Variants in RARB observed in about 807,000 individuals in gnomAD.
The protein encoded by RARB is retinoic acid receptor beta, also known as HBV-activated protein.
A neutral mutation model predicts 51.9 loss-of-function variants in RARB; 17 were observed. The ratio of observed to expected loss-of-function variants is 0.33; its 90% CI spans 0.22 to 0.49. The LOEUF is 0.49. Among genes scored for constraint, RARB ranks in the 20% least tolerant of loss-of-function variants. RARB has a pLI of 0.99. For synonymous variants in RARB, 215 were observed against 195.4 expected (o/e 1.10, Z -0.84); for missense variants, 369 against 550.8 (o/e 0.67, Z 3.30).
At chr3:24,859,777 T>G (rs572783207) in intron 2 of RARB, among the ~76,000 whole-genome samples, 1 of 152,238 alleles carries the variant, frequency 6.6e-6, no homozygotes, top group South Asian at 2.1e-4. Flanking sequence ...GTGGGCCATA[T>G]GGTCTGTCAC....
chr3:24,982,564 G>A (rs533758313), intron 2 of RARB, among the ~76,000 whole-genome samples: 13 of 152,242 alleles, frequency 8.5e-5, no homozygotes, highest in South Asian at 6.2e-4. Context: ...CTCCATCTTT[G>A]GTTTTCCTTT....
intron 5 of RARB, among the ~76,000 whole-genome samples, chr3:25,392,061 T>A (rs1376104156): frequency 3.3e-5 from 5 of 152,192 alleles, no homozygotes; most frequent in African/African-American, 1.2e-4. Flanking sequence ...TTGAGTTGAT[T>A]TTTGTATGAA....
chr3:25,083,026 A>G (rs1699039274), intron 3 of RARB, among the ~76,000 whole-genome samples: 2 of 151,818 alleles, frequency 1.3e-5, no homozygotes, highest in South Asian at 4.2e-4. Context: ...TTGCTAATAA[A>G]CACCTGTTAT....
intron 2 of RARB, among the ~76,000 whole-genome samples, chr3:24,893,873 G>A (rs1489857862): frequency 6.6e-6 from 1 of 152,078 alleles, no homozygotes; most frequent in African/African-American, 2.4e-5. Context: ...TAGGAGGAAT[G>A]TTTGTAACAC....
At chr3:24,831,663 A>G (rs1270323546) in intron 1 of RARB, among the ~76,000 whole-genome samples, 1 of 152,080 alleles carries the variant, frequency 6.6e-6, no homozygotes, top group Non-Finnish European at 1.5e-5. Context: ...CTAGTAGGTA[A>G]TTCTTACCTA....
At chr3:24,889,675 A>AGTGTGTGTGTGTGTGTGTGT (rs71057686) in intron 2 of RARB, among the ~76,000 whole-genome samples, 57 of 142,954 alleles carry the variant, frequency 4.0e-4, no homozygotes, top group African/African-American at 5.1e-4. Flanking sequence ...CACCTCTTAA[A>AGTGTGTGTGTGTGTGTGTGT]GTGTGTGTGT....
intron 6 of RARB, 73 bp downstream of exon 6, chr3:25,593,780 C>A: frequency 6.9e-7 from 1 of 1,445,226 alleles, no homozygotes. Context: ...TGAAAAATTC[C>A]TCATTTCCCT....
At chr3:25,479,901 T>C (rs374734572) in intron 2 of RARB, among the ~76,000 whole-genome samples, 2 of 152,260 alleles carry the variant, frequency 1.3e-5, no homozygotes, top group African/African-American at 2.4e-5. Flanking sequence ...AGCAGTGCAA[T>C]AACGAGGAAG....
chr3:25,269,361 C>G (rs1703198313), intron 5 of RARB, among the ~76,000 whole-genome samples: 2 of 152,186 alleles, frequency 1.3e-5, no homozygotes, highest in South Asian at 4.1e-4. Context: ...TCAGCACCAT[C>G]CATCATTGAG....
At chr3:25,240,605 T>A (rs1702408740) in intron 5 of RARB, among the ~76,000 whole-genome samples, 1 of 152,180 alleles carries the variant, frequency 6.6e-6, no homozygotes, top group East Asian at 1.9e-4. Flanking sequence ...GTTTTTGTCC[T>A]TCATTCTATT....
rs371738902 is a variant in RARB at position 25,276,860 on chromosome 3, C to A, written c.178+102285C>A. 2.6e-5 allele frequency among the ~76,000 whole-genome samples: 4 copies of A among 152,154 alleles called. No homozygotes were observed. In the South Asian group the frequency reaches 8.3e-4, roughly 32 times the overall value. The stretch of plus-strand genomic sequence containing the variant: ...CGGGATCAAAAGCACTTGACTAATA[C>A]GGTATATATTGGCAGTAATCTGTAT... On this transcript the variant is annotated intron_variant, in intron 5 of 11. Transcript: ENST00000383772.
intron 1 of RARB, among the ~76,000 whole-genome samples, chr3:24,852,740 C>A (rs373483602): frequency 3.1e-4 from 47 of 152,238 alleles, no homozygotes; most frequent in African/African-American, 1.0e-3. Context: ...CTGAAAGGAT[C>A]CAGACATAAA....
intron 2 of RARB, among the ~76,000 whole-genome samples, chr3:24,959,899 A>C (rs900132668): frequency 1.6e-4 from 24 of 152,226 alleles, no homozygotes; most frequent in African/African-American, 5.8e-4. Flanking sequence ...TTATCTTTAC[A>C]TTTTAAGACA....
intron 5 of RARB, among the ~76,000 whole-genome samples, chr3:25,310,590 A>T (rs1462871499): frequency 6.6e-6 from 1 of 152,162 alleles, no homozygotes; most frequent in Non-Finnish European, 1.5e-5. Flanking sequence ...TTGTCCATGA[A>T]CACTTTAGAA....
At chr3:24,936,900 T>G (rs776704077) in intron 2 of RARB, among the ~76,000 whole-genome samples, 8 of 152,090 alleles carry the variant, frequency 5.3e-5, no homozygotes, top group African/African-American at 1.9e-4. Flanking sequence ...TGCTCTGGAG[T>G]GTGTTTGGTG....
chr3:25,098,465 T>C (rs1169489324), intron 3 of RARB, among the ~76,000 whole-genome samples: 3 of 152,192 alleles, frequency 2.0e-5, no homozygotes, highest in African/African-American at 7.2e-5. Flanking sequence ...GTGAGAGCAA[T>C]TCCTACCTGT....
At chr3:24,932,836 TTC>T (rs1241004612) in intron 2 of RARB, among the ~76,000 whole-genome samples, 3 of 152,130 alleles carry the variant, frequency 2.0e-5, no homozygotes, top group Non-Finnish European at 4.4e-5. Context: ...ACTTACAGAA[TTC>T]ATGGAGGTGC....
chr3:24,951,031 C>G (rs575478201), intron 2 of RARB, among the ~76,000 whole-genome samples: 2 of 152,278 alleles, frequency 1.3e-5, no homozygotes, highest in East Asian at 1.9e-4. Flanking sequence ...ACAAGAAGAG[C>G]AGGGCAAGCT....
intron 4 of RARB, among the ~76,000 whole-genome samples, chr3:25,152,315 C>T (rs1242816349): frequency 6.6e-6 from 1 of 151,990 alleles, no homozygotes; most frequent in Admixed American, 6.6e-5. Context: ...CCCTTTTCCA[C>T]TGCAAACCTA....
Sources: gnomAD v4.1 joint callset for allele counts (sites outside exome capture counted in the v4.1 genomes callset) on GRCh38, gnomAD v4.1.1 for gene constraint, MANE v1.5 for transcripts, NCBI Gene and HGNC (gene_info 2026-07-23, HGNC 2026-07-21) for gene names.